Variants in MTUS2 observed in about 807,000 individuals in gnomAD.
MTUS2 encodes microtubule-associated tumor suppressor candidate 2.
A neutral mutation model predicts 114.1 loss-of-function variants in MTUS2; 40 were observed. That is an observed-to-expected ratio of 0.35 (90% CI 0.27 to 0.46). The LOEUF (loss-of-function observed/expected upper bound fraction) is 0.46. Among genes scored for constraint, MTUS2 ranks in the 20% least tolerant of loss-of-function variants. MTUS2 has a pLI of 1.00. For synonymous variants in MTUS2, 688 were observed against 672.0 expected, an observed-to-expected ratio of 1.02 and a Z score of -0.37; for missense variants, 1,679 against 1,705.4, an observed-to-expected ratio of 0.98 and a Z score of 0.27.
chr13:29,141,418 C>T (rs941251378), intron 5 of MTUS2, among the ~76,000 whole-genome samples: 1 of 152,224 alleles, frequency 6.6e-6, no homozygotes, highest in South Asian at 2.1e-4. Context: ...CGTTTTCGGG[C>T]AGAAGTTACA....
rs187613310 is a variant in MTUS2 at position 28,932,883 on chromosome 13, T to C, written c.-242-91574T>C. ...ATCCTGTTAGTGCAGTGCTTGACTCTTAGAAGATGATATGATATAAATAAA... is the reference window on the plus strand; with the variant it reads ...ATCCTGTTAGTGCAGTGCTTGACTCCTAGAAGATGATATGATATAAATAAA... On this transcript the variant is annotated intron_variant, in intron 2 of 15. Coordinates refer to ENST00000612955, the MANE Select transcript of MTUS2 (RefSeq NM_001033602.4). Among the ~76,000 whole-genome samples, 442 of 152,268 alleles carry C rather than the reference T, an allele frequency of 2.9e-3. 1 individual carries two copies. Among genetic ancestry groups the C allele is most frequent in the African/African-American group, 0.01 (423 of 41,544 alleles).
intron 5 of MTUS2, among the ~76,000 whole-genome samples, chr13:29,194,124 C>A (rs1238807466): frequency 2.7e-5 from 4 of 150,448 alleles, no homozygotes; most frequent in Non-Finnish European, 5.9e-5. Flanking sequence ...AACGTTAGAC[C>A]TAAAACCATA....
At chr13:28,864,869 C>CT (rs1334221536) in intron 2 of MTUS2, among the ~76,000 whole-genome samples, 3 of 151,998 alleles carry the variant, frequency 2.0e-5, no homozygotes, top group Non-Finnish European at 2.9e-5. Context: ...GAGTATTGTC[C>CT]TTTTTTGTTT....
At chr13:29,316,655 G>A (rs753750822) in intron 6 of MTUS2, among the ~76,000 whole-genome samples, 26 of 152,216 alleles carry the variant, frequency 1.7e-4, no homozygotes, top group Non-Finnish European at 3.4e-4. Context: ...GGCCACTGCA[G>A]TGTAGTGAAA....
chr13:29,390,100 C>CAT (rs1220399618), intron 8 of MTUS2, among the ~76,000 whole-genome samples: 1 of 109,530 alleles, frequency 9.1e-6, no homozygotes, highest in African/African-American at 2.6e-5. Flanking sequence ...TACACATACA[C>CAT]ATATATATAC....
At chr13:29,314,386 C>G (rs1170216013) in intron 6 of MTUS2, among the ~76,000 whole-genome samples, 1 of 152,082 alleles carries the variant, frequency 6.6e-6, no homozygotes, top group Non-Finnish European at 1.5e-5. Context: ...CCAGGGAAAA[C>G]AAAAGTCAGA....
chr13:28,957,437 C>A (rs1176727094), intron 2 of MTUS2, among the ~76,000 whole-genome samples: 1 of 152,092 alleles, frequency 6.6e-6, no homozygotes, highest in Non-Finnish European at 1.5e-5. Flanking sequence ...ATTCATCCAA[C>A]TGTGGATTGA....
intron 8 of MTUS2, among the ~76,000 whole-genome samples, chr13:29,427,214 C>T (rs928090974): frequency 6.6e-6 from 1 of 152,204 alleles, no homozygotes; most frequent in Non-Finnish European, 1.5e-5. Context: ...GTTTTCCATT[C>T]CTTAAGGGTC....
intron 9 of MTUS2, among the ~76,000 whole-genome samples, chr13:29,446,750 A>G (rs371643287): frequency 4.2e-4 from 64 of 152,300 alleles, no homozygotes; most frequent in Non-Finnish European, 8.4e-4. Context: ...ATTTCATCTT[A>G]GTGTTGCTAG....
chr13:29,356,162 G>A (rs1410079768), intron 7 of MTUS2, among the ~76,000 whole-genome samples: 1 of 152,180 alleles, frequency 6.6e-6, no homozygotes, highest in African/African-American at 2.4e-5. Context: ...ATCTAAAAGT[G>A]TCATGGGGGA....
At chr13:29,475,903 T>C (rs1478464192) in intron 9 of MTUS2, among the ~76,000 whole-genome samples, 1 of 152,186 alleles carries the variant, frequency 6.6e-6, no homozygotes, top group Non-Finnish European at 1.5e-5. Context: ...TGTATGGTGT[T>C]TCTAAAGTCT....
chr13:28,994,350 T>C (rs111573782), intron 2 of MTUS2, among the ~76,000 whole-genome samples: 4,274 of 152,284 alleles, frequency 0.028, 98 homozygotes, highest in African/African-American at 0.062. Flanking sequence ...TGAATAGTGC[T>C]GCAATAAACA....
intron 6 of MTUS2, among the ~76,000 whole-genome samples, chr13:29,317,432 CT>C (rs552766235): frequency 0.036 from 1,848 of 51,668 alleles, 476 homozygotes; most frequent in African/African-American, 0.11. Flanking sequence ...CTCTCTCTCT[CT>C]TTTTTTTTTT....
At chr13:29,173,723 G>T (rs1423597173) in intron 5 of MTUS2, among the ~76,000 whole-genome samples, 5 of 151,972 alleles carry the variant, frequency 3.3e-5, no homozygotes, top group Admixed American at 3.3e-4. Flanking sequence ...CAGTGGGTCA[G>T]TACTACAGTC....
intron 6 of MTUS2, among the ~76,000 whole-genome samples, chr13:29,303,207 T>G (rs1200438791): frequency 6.6e-6 from 1 of 152,160 alleles, no homozygotes; most frequent in Non-Finnish European, 1.5e-5. Flanking sequence ...AAAGAATCAA[T>G]GCAAAAATGC....
intron 2 of MTUS2, among the ~76,000 whole-genome samples, chr13:28,896,426 T>G (rs1175108455): frequency 6.6e-6 from 1 of 152,118 alleles, no homozygotes; most frequent in Non-Finnish European, 1.5e-5. Flanking sequence ...GGAAGAACAT[T>G]CCATGCTCAT....
intron 2 of MTUS2, among the ~76,000 whole-genome samples, chr13:28,927,376 C>T (rs1348496640): frequency 4.6e-5 from 7 of 151,810 alleles, no homozygotes; most frequent in African/African-American, 1.2e-4. Flanking sequence ...CCCTGGGCAA[C>T]ATAGCAGGAC....
At chr13:29,163,722 C>T (rs1419330311) in intron 5 of MTUS2, among the ~76,000 whole-genome samples, 2 of 152,136 alleles carry the variant, frequency 1.3e-5, no homozygotes, top group African/African-American at 4.8e-5. Context: ...GTCCAGGGCA[C>T]TCCTGAGCGA....
At chr13:29,339,389 T>G (rs577794010) in intron 7 of MTUS2, among the ~76,000 whole-genome samples, 2 of 152,300 alleles carry the variant, frequency 1.3e-5, no homozygotes, top group East Asian at 3.9e-4. Context: ...TGGGATCTGC[T>G]TGCTACGCTT....
Sources: allele counts gnomAD v4.1 joint callset (sites outside exome capture counted in the v4.1 genomes callset), GRCh38; gene constraint gnomAD v4.1.1; transcripts MANE v1.5; gene names NCBI Gene and HGNC (gene_info 2026-07-23, HGNC 2026-07-21).